Variants in PDS5B observed in about 807,000 individuals in gnomAD.
PDS5B encodes PDS5 cohesin associated factor B.
In PDS5B, 51 loss-of-function variants were observed where a neutral mutation model predicts 184.1. That is an observed-to-expected ratio of 0.28 (90% CI 0.22 to 0.35). The LOEUF is 0.35. PDS5B is among the 10% of genes least tolerant of loss of function. The probability of loss-of-function intolerance (pLI) is 1.00; values close to 1 mark genes in which losing one functional copy is unlikely to be tolerated. For missense variants in PDS5B, 1,180 were observed against 1,723.3 expected (o/e 0.68, Z 5.58); for synonymous variants, 566 against 569.2 (o/e 0.99, Z 0.08).
intron 1 of PDS5B, among the ~76,000 whole-genome samples, chr13:32,610,543 TGAG>T (rs1437757262): frequency 6.6e-6 from 1 of 152,160 alleles, no homozygotes; most frequent in Non-Finnish European, 1.5e-5. Flanking sequence ...TTCTTACACT[TGAG>T]GAGATGGATA....
At chr13:32,697,144 A>G (rs1951730082) in intron 15 of PDS5B, among the ~76,000 whole-genome samples, 1 of 152,210 alleles carries the variant, frequency 6.6e-6, no homozygotes, top group Non-Finnish European at 1.5e-5. Context: ...TGCTTGCTCT[A>G]ATGTGACTGA....
At chr13:32,718,154 A>AT (rs142627515) in intron 19 of PDS5B, among the ~76,000 whole-genome samples, 52,853 of 149,970 alleles carry the variant, frequency 0.35, 9,878 homozygotes, top group Non-Finnish European at 0.43. Flanking sequence ...AGGGCTTCTG[A>AT]ATTTTTTTTT....
At chr13:32,720,847 T>C (rs948129337) in intron 19 of PDS5B, among the ~76,000 whole-genome samples, 4 of 152,022 alleles carry the variant, frequency 2.6e-5, no homozygotes, top group African/African-American at 9.7e-5. Flanking sequence ...TGATGACTCT[T>C]AATGAGCATG....
chr13:32,644,752 C>A lies in PDS5B; in HGVS notation c.-19-4002C>A, dbSNP rs1056278708. Among the ~76,000 whole-genome samples the A allele has an allele frequency of 4.6e-5, 7 of 151,896 alleles. No homozygotes were observed. The South Asian group carries it at 8.3e-4, about 18-fold the overall frequency. On this transcript the variant is annotated intron_variant, in intron 1 of 34. Transcript: ENST00000315596. ...AGTTTACTAAACTTGTTTCTTGTTTCGTTTTTGTTTTACAGTCATGAGTTG... is the reference window on the plus strand; with the variant it reads ...AGTTTACTAAACTTGTTTCTTGTTTAGTTTTTGTTTTACAGTCATGAGTTG...
chr13:32,653,442 A>G lies in PDS5B; in HGVS notation c.312+1435A>G, dbSNP rs143055989. Among the ~76,000 whole-genome samples, 654 of 152,306 alleles carry G rather than the reference A, an allele frequency of 4.3e-3. 1 individual carries two copies. The highest frequency in any genetic ancestry group is 7.6e-3 in the Non-Finnish European group (518 of 68,026). On this transcript the variant is annotated intron_variant, in intron 3 of 34. Coordinates refer to ENST00000315596, the MANE Select transcript of PDS5B (RefSeq NM_015032.4). ...TACTTATGTGTCAGGAACTGGATTT[A>G]CAGTGGTGAAAAAAACCCAGGCATG... is the stretch of plus-strand genomic sequence containing the variant.
chr13:32,673,988 A>AT (rs1951003490), intron 8 of PDS5B, among the ~76,000 whole-genome samples: 1 of 151,306 alleles, frequency 6.6e-6, no homozygotes, highest in Non-Finnish European at 1.5e-5. Context: ...TAATTTTTGT[A>AT]TTTTTTGGTA....
chr13:32,758,032 TTTAACAAA>T (rs1954249097), intron 26 of PDS5B, 47 bp from the exon 27 acceptor site: 2 of 761,826 alleles, frequency 2.6e-6, no homozygotes, highest in Admixed American at 3.7e-5. Context: ...TGTATCTATA[TTTAACAAA>T]GGATGATTTT....
rs924231088 is a variant in PDS5B at position 32,636,895 on chromosome 13, C to T, written c.-19-11859C>T. Reference sequence around the variant, plus strand: ...GATTTGGGACAGCTTCCCTGATTGACAGGTGAGACTTGAAAGAGCAGTGTT... The same window carrying T: ...GATTTGGGACAGCTTCCCTGATTGATAGGTGAGACTTGAAAGAGCAGTGTT... On this transcript the variant is annotated intron_variant, in intron 1 of 34. Coordinates refer to ENST00000315596, the MANE Select transcript of PDS5B (RefSeq NM_015032.4). Among the ~76,000 whole-genome samples, 16 of 152,272 alleles carry T rather than the reference C, an allele frequency of 1.1e-4. No individual in the cohort carries two copies. In the East Asian group the frequency reaches 2.3e-3, roughly 22 times the overall value.
At chr13:32,590,312 G>A (rs1473725022) in intron 1 of PDS5B, among the ~76,000 whole-genome samples, 2 of 152,214 alleles carry the variant, frequency 1.3e-5, no homozygotes, top group East Asian at 3.9e-4. Context: ...AAAATGAACA[G>A]GTACAAAACT....
intron 33 of PDS5B, 85 bp from the exon 34 acceptor site, chr13:32,773,104 T>C (rs567466038): frequency 5.1e-5 from 59 of 1,157,256 alleles, no homozygotes; most frequent in Middle Eastern, 4.9e-4. Flanking sequence ...GATATGACGA[T>C]GAAATACGTG....
At chr13:32,727,287 T>G (rs1952936903) in intron 19 of PDS5B, among the ~76,000 whole-genome samples, 1 of 152,202 alleles carries the variant, frequency 6.6e-6, no homozygotes, top group African/African-American at 2.4e-5. Flanking sequence ...TCTTATGTTT[T>G]GTTTTTATAT....
intron 1 of PDS5B, among the ~76,000 whole-genome samples, chr13:32,599,788 G>A (rs535408212): frequency 7.5e-4 from 114 of 152,114 alleles, no homozygotes; most frequent in South Asian, 7.5e-3. Flanking sequence ...GGTGGCGGGT[G>A]CCTGTAGTTC....
intron 1 of PDS5B, among the ~76,000 whole-genome samples, chr13:32,598,739 T>C (rs2057919900): frequency 6.6e-6 from 1 of 151,638 alleles, no homozygotes; most frequent in Non-Finnish European, 1.5e-5. Flanking sequence ...TTGCTGGATA[T>C]AGAATTCTCA....
intron 1 of PDS5B, among the ~76,000 whole-genome samples, chr13:32,644,382 A>G (rs985744048): frequency 6.6e-6 from 1 of 152,196 alleles, no homozygotes; most frequent in Non-Finnish European, 1.5e-5. Context: ...GAACATCTCT[A>G]TATTGATGTT....
At chr13:32,699,930 CTT>C in intron 16 of PDS5B, 61 bp downstream of exon 16, 1 of 1,438,124 alleles carries the variant, frequency 7.0e-7, no homozygotes. Flanking sequence ...TTGTTTCTCT[CTT>C]TTATAAAAGT....
intron 19 of PDS5B, among the ~76,000 whole-genome samples, chr13:32,711,831 C>T (rs541551226): frequency 5.3e-5 from 8 of 152,318 alleles, no homozygotes; most frequent in Non-Finnish European, 8.8e-5. Flanking sequence ...TATGTATAAA[C>T]TGTATATAAC....
At chr13:32,722,079 G>T (rs1952733666) in intron 19 of PDS5B, among the ~76,000 whole-genome samples, 1 of 152,374 alleles carries the variant, frequency 6.6e-6, no homozygotes, top group African/African-American at 2.4e-5. Flanking sequence ...TGAGCACTGA[G>T]TGAGCAAGAC....
intron 1 of PDS5B, among the ~76,000 whole-genome samples, chr13:32,597,602 G>T (rs558793476): frequency 4.0e-5 from 6 of 151,870 alleles, no homozygotes; most frequent in Admixed American, 6.6e-5. Context: ...GAGGCCGAGG[G>T]GGGGGCGGCA....
At chr13:32,760,542 C>CTTAT (rs754904515) in intron 29 of PDS5B, 33 bp from the exon 30 acceptor site, 1 of 1,601,334 alleles carries the variant, frequency 6.2e-7, no homozygotes, top group Non-Finnish European at 8.5e-7. Flanking sequence ...TGGCTTTAAC[C>CTTAT]AAATAAAAAG....
Sources: allele counts gnomAD v4.1 joint callset (sites outside exome capture counted in the v4.1 genomes callset), GRCh38; gene constraint gnomAD v4.1.1; transcripts MANE v1.5; gene names NCBI Gene and HGNC (gene_info 2026-07-23, HGNC 2026-07-21).